The following QKI variants were observed in gnomAD, a reference collection of about 807,000 sequenced individuals.
QKI encodes the protein KH domain-containing RNA-binding protein QKI.
Under a neutral mutation model 39.0 loss-of-function variants are expected in QKI, and 10 were observed. The observed-to-expected ratio is 0.26, with a 90% CI of 0.16 to 0.43. QKI has a LOEUF of 0.43. QKI is among the 20% of genes least tolerant of loss of function. QKI has a pLI of 1.00. For missense variants in QKI, 218 were observed against 428.0 expected (o/e 0.51, Z 4.33); for synonymous variants, 204 against 155.4 (o/e 1.31, Z -2.33).
chr6:163,493,558 A>G (rs1778203892), intron 3 of QKI, among the ~76,000 whole-genome samples: 1 of 152,192 alleles, frequency 6.6e-6, no homozygotes, highest in African/African-American at 2.4e-5. Context: ...GTACTTTATC[A>G]TTAAGATAAA....
At chr6:163,491,628 A>G (rs1293066959) in intron 3 of QKI, among the ~76,000 whole-genome samples, 2 of 152,212 alleles carry the variant, frequency 1.3e-5, no homozygotes, top group African/African-American at 2.4e-5. Flanking sequence ...AAACAGTGCA[A>G]TAAAGATTAA....
chr6:163,534,979 T>A lies in QKI; in HGVS notation c.403-3T>A. The A allele has an allele frequency of 6.3e-7, 1 of 1,593,962 alleles. No individual in the cohort carries two copies. On this transcript the variant is annotated splice_polypyrimidine_tract_variant and splice_region_variant and intron_variant, in intron 3 of 7. Transcript: ENST00000361752. The stretch of plus-strand genomic sequence containing the variant: ...TTAATCATGTACTCTGTAAATTTTT[T>A]AGGAGGAGCAAAATAGAGGCAAGCC...
At position 163,572,600 on chromosome 6, in the gene QKI, C is replaced by CATCTAAA. The variant is rs1406251640; in HGVS notation, c.*1891_*1897dup. On this transcript the variant is annotated 3_prime_UTR_variant, in exon 8 of 8. Coordinates refer to ENST00000361752, the MANE Select transcript of QKI (RefSeq NM_006775.3). ...TGAAGCAATTTGTGTGCAAAGCCTA[C>CATCTAAA]ATCTAAACACTTGAGTGAATAATCA... 1.9e-4 allele frequency: 27 copies of CATCTAAA among 144,420 alleles called. No individual in the cohort carries two copies. Among genetic ancestry groups the CATCTAAA allele is most frequent in the African/African-American group, 6.2e-4 (24 of 38,974 alleles). 8.9% of individuals were successfully genotyped at this position (144,420 alleles called of 1,614,324 possible). A position where few individuals can be genotyped will look rare whatever the true frequency, so the allele number is the denominator to read the frequency against.
In QKI at chr6:163,534,887, A is replaced by G. The variant is rs180726498; in HGVS notation, c.403-95A>G. ...GCCATCATAGCAAAATAATGCAAAC[A>G]TAGCTGAAATAATTGACAACAGGTT... On this transcript the variant is annotated intron_variant, in intron 3 of 7. Coordinates refer to ENST00000361752, the MANE Select transcript of QKI (RefSeq NM_006775.3). The G allele has an allele frequency of 2.5e-3, 2,523 of 1,027,510 alleles. 8 individuals carry two copies. Among genetic ancestry groups the G allele is most frequent in the Non-Finnish European group, 3.2e-3 (2,364 of 745,474 alleles). The allele number at this position is 1,027,510 out of a possible 1,614,324, so 63.6% of individuals were successfully genotyped here.
intron 3 of QKI, among the ~76,000 whole-genome samples, chr6:163,502,842 T>G (rs1778855802): frequency 6.6e-6 from 1 of 151,914 alleles, no homozygotes; most frequent in African/African-American, 2.4e-5. Flanking sequence ...TTTGGTAGAG[T>G]GGTTGTTTTC....
intron 3 of QKI, among the ~76,000 whole-genome samples, chr6:163,530,126 T>G (rs557691058): frequency 6.6e-6 from 1 of 152,332 alleles, no homozygotes; most frequent in South Asian, 2.1e-4. Flanking sequence ...AAAACAGACA[T>G]TATAGTAGTC....
intron 1 of QKI, among the ~76,000 whole-genome samples, chr6:163,421,619 T>G (rs1172650015): frequency 6.6e-6 from 1 of 152,074 alleles, no homozygotes; most frequent in Non-Finnish European, 1.5e-5. Context: ...TGTGGCTGAT[T>G]GTCATTTAAC....
At chr6:163,518,435 G>GT in intron 3 of QKI, among the ~76,000 whole-genome samples, 1 of 152,028 alleles carries the variant, frequency 6.6e-6, no homozygotes, top group Non-Finnish European at 1.5e-5. Context: ...CATAGATACT[G>GT]TTTTTTGTGG....
intron 2 of QKI, among the ~76,000 whole-genome samples, chr6:163,468,847 G>A (rs1791970078): frequency 6.6e-6 from 1 of 151,994 alleles, no homozygotes; most frequent in South Asian, 2.1e-4. Flanking sequence ...GAATTTTAAT[G>A]CAAGGCAAAC....
intron 1 of QKI, among the ~76,000 whole-genome samples, chr6:163,443,396 C>T (rs1789902528): frequency 1.3e-5 from 2 of 152,234 alleles, no homozygotes; most frequent in Non-Finnish European, 2.9e-5. Context: ...TGGTGAAATG[C>T]TGTCTCTGCT....
intron 3 of QKI, among the ~76,000 whole-genome samples, chr6:163,530,726 C>T (rs556954723): frequency 4.6e-5 from 7 of 152,120 alleles, no homozygotes; most frequent in South Asian, 4.2e-4. Context: ...ACGGGTTGGT[C>T]GGTCTCTCTC....
chr6:163,429,725 GAAT>G (rs1788683677), intron 1 of QKI, among the ~76,000 whole-genome samples: 1 of 152,058 alleles, frequency 6.6e-6, no homozygotes, highest in African/African-American at 2.4e-5. Context: ...CGTGATTTTC[GAAT>G]AATGTCAGAG....
intron 3 of QKI, among the ~76,000 whole-genome samples, chr6:163,531,347 G>C (rs558370812): frequency 6.6e-6 from 1 of 152,304 alleles, no homozygotes; most frequent in South Asian, 2.1e-4. Context: ...GTTTGAGCAA[G>C]TGTTTTACTT....
At chr6:163,565,401 T>G in intron 6 of QKI, 2 of 985,962 alleles carry the variant, frequency 2.0e-6, no homozygotes, top group Non-Finnish European at 2.4e-6. Context: ...ATCTCCCTGA[T>G]TTTGCCACGT....
At chr6:163,501,524 A>G (rs1355791120) in intron 3 of QKI, among the ~76,000 whole-genome samples, 4 of 152,202 alleles carry the variant, frequency 2.6e-5, no homozygotes, top group Admixed American at 2.6e-4. Context: ...GGGAGGAGGG[A>G]GAACCCCGTT....
chr6:163,530,233 C>CAT (rs1246314867), intron 3 of QKI, among the ~76,000 whole-genome samples: 1 of 152,178 alleles, frequency 6.6e-6, no homozygotes, highest in African/African-American at 2.4e-5. Context: ...TCGTAGAACA[C>CAT]AGTTTCTAAT....
chr6:163,564,513 G>C lies in QKI; in HGVS notation c.934+794G>C, dbSNP rs139595928. ...AACATGAGAGATACTCTTAATTTCA[G>C]TAGTACAGTATGGAATAGTTAAATA... On this transcript the variant is annotated intron_variant, in intron 6 of 7. Transcript: ENST00000361752. 572 of 1,461,216 alleles carry C rather than the reference G, an allele frequency of 3.9e-4. 5 individuals are homozygous for C. The East Asian group carries it at 0.014, about 36-fold the overall frequency. 90.5% of individuals were successfully genotyped at this position (1,461,216 alleles called of 1,614,324 possible). A position where few individuals can be genotyped will look rare whatever the true frequency, so the allele number is the denominator to read the frequency against.
chr6:163,452,598 C>G (rs191616691), intron 1 of QKI, among the ~76,000 whole-genome samples: 1 of 152,248 alleles, frequency 6.6e-6, no homozygotes, highest in East Asian at 1.9e-4. Context: ...AACAGAATCT[C>G]ATGGAATTTT....
intron 7 of QKI, chr6:163,570,232 TTAA>T: frequency 1.0e-6 from 1 of 982,658 alleles, no homozygotes; most frequent in South Asian, 4.7e-5. Flanking sequence ...TCATCAGTTA[TTAA>T]TAATCACATC....
Sources: gnomAD v4.1 joint callset for allele counts (sites outside exome capture counted in the v4.1 genomes callset) on GRCh38, gnomAD v4.1.1 for gene constraint, MANE v1.5 for transcripts, NCBI Gene and HGNC (gene_info 2026-07-23, HGNC 2026-07-21) for gene names.